Variants in PCDH15 observed in about 807,000 individuals in gnomAD.
PCDH15 encodes protocadherin related 15.
In PCDH15, 129 loss-of-function variants were observed where a neutral mutation model predicts 178.5. The observed-to-expected ratio is 0.72, with a 90% confidence interval of 0.63 to 0.84. The LOEUF is 0.84. PCDH15 is among the 40% of genes least tolerant of loss of function. PCDH15 has a pLI of 0.00. For missense variants in PCDH15, 2,230 were observed against 2,099.9 expected (o/e 1.06, Z -1.21); for synonymous variants, 800 against 732.0 (o/e 1.09, Z -1.50).
chr10:54,192,130 A>AGAG (rs1377473900), intron 11 of PCDH15, among the ~76,000 whole-genome samples: 13 of 125,066 alleles, frequency 1.0e-4, no homozygotes, highest in African/African-American at 4.6e-4. Context: ...GAAAGAAAGA[A>AGAG]AGAGAAAGAG....
intron 26 of PCDH15, among the ~76,000 whole-genome samples, chr10:53,883,339 T>C (rs1230198901): frequency 6.6e-6 from 1 of 152,216 alleles, no homozygotes; most frequent in African/African-American, 2.4e-5. Context: ...TTAAACATCA[T>C]ACAACAGAAA....
At chr10:54,787,128 A>G (rs1950951529) in intron 1 of PCDH15, among the ~76,000 whole-genome samples, 1 of 151,896 alleles carries the variant, frequency 6.6e-6, no homozygotes, top group Non-Finnish European at 1.5e-5. Context: ...TGTGAATCAC[A>G]TAATGCAGTT....
At chr10:55,296,651 T>G (rs1843139430) in intron 1 of PCDH15, among the ~76,000 whole-genome samples, 1 of 152,146 alleles carries the variant, frequency 6.6e-6, no homozygotes, top group Non-Finnish European at 1.5e-5. Context: ...TATATTTTAT[T>G]CCGTCACAGA....
At chr10:55,314,233 T>A (rs1406452717) in intron 1 of PCDH15, among the ~76,000 whole-genome samples, 1 of 149,018 alleles carries the variant, frequency 6.7e-6, no homozygotes, top group Non-Finnish European at 1.5e-5. Flanking sequence ...AATGATAATA[T>A]CTCAGTGTTC....
intron 2 of PCDH15, among the ~76,000 whole-genome samples, chr10:55,401,381 G>A (rs567171236): frequency 1.3e-5 from 2 of 151,990 alleles, no homozygotes; most frequent in East Asian, 1.9e-4. Context: ...TACATAATTC[G>A]TAGTCATATG....
chr10:54,179,776 T>C (rs977499230), intron 13 of PCDH15, among the ~76,000 whole-genome samples: 4 of 152,176 alleles, frequency 2.6e-5, no homozygotes, highest in African/African-American at 9.7e-5. Flanking sequence ...GCATCAATAC[T>C]TTAAAAGTTC....
intron 2 of PCDH15, among the ~76,000 whole-genome samples, chr10:55,380,460 G>A (rs935568472): frequency 2.0e-5 from 3 of 152,216 alleles, no homozygotes; most frequent in African/African-American, 7.2e-5. Context: ...CTTTTTCAAG[G>A]ATGTTAGTAT....
chr10:54,006,713 T>C (rs2135097283), intron 20 of PCDH15, among the ~76,000 whole-genome samples: 1 of 152,274 alleles, frequency 6.6e-6, no homozygotes, highest in South Asian at 2.1e-4. Flanking sequence ...TTTTCTTCTA[T>C]TCTATGGGGT....
intron 2 of PCDH15, among the ~76,000 whole-genome samples, chr10:54,632,740 C>A (rs1426020035): frequency 6.6e-6 from 1 of 152,078 alleles, no homozygotes; most frequent in East Asian, 1.9e-4. Flanking sequence ...TGCCCCAAGA[C>A]TGGATCAAAA....
chr10:55,266,228 G>C (rs1842291080), intron 1 of PCDH15, among the ~76,000 whole-genome samples: 1 of 151,540 alleles, frequency 6.6e-6, no homozygotes, highest in African/African-American at 2.4e-5. Flanking sequence ...ATGCCTAGAA[G>C]CCATAAAACT....
At chr10:55,391,631 C>A (rs901403222) in intron 2 of PCDH15, among the ~76,000 whole-genome samples, 1 of 151,884 alleles carries the variant, frequency 6.6e-6, no homozygotes, top group Non-Finnish European at 1.5e-5. Context: ...GGATTACAGG[C>A]ATGCACCACC....
rs2076313467 is a variant in PCDH15 at position 53,822,142 on chromosome 10, T to C, written c.4368-1912A>G. ...ACTGTCGTTGTTGATAGCTGTGTCA[T>C]AGAGGACTTAATTTTCTCGGCAGGC... On this transcript the variant is annotated intron_variant, in intron 32 of 37. Coordinates refer to ENST00000644397, the MANE Select transcript of PCDH15 (RefSeq NM_001384140.1). 6 of 1,613,962 alleles carry C rather than the reference T, an allele frequency of 3.7e-6. No individual in the cohort carries two copies. Among genetic ancestry groups the C allele is most frequent in the South Asian group, 2.2e-5 (2 of 91,084 alleles).
chr10:54,133,089 G>A, intron 14 of PCDH15, 82 bp from the exon 15 acceptor site: 1 of 1,581,800 alleles, frequency 6.3e-7, no homozygotes, highest in Non-Finnish European at 8.6e-7. Flanking sequence ...TTCAGTTGTT[G>A]GGTTTACAGG....
At chr10:54,788,099 A>G (rs1053010977) in intron 1 of PCDH15, among the ~76,000 whole-genome samples, 8 of 151,854 alleles carry the variant, frequency 5.3e-5, no homozygotes, top group Admixed American at 5.3e-4. Flanking sequence ...AACTTTCAGG[A>G]ACATATGGGA....
At chr10:55,451,683 T>G (rs946959016) in intron 2 of PCDH15, among the ~76,000 whole-genome samples, 1 of 152,270 alleles carries the variant, frequency 6.6e-6, no homozygotes, top group South Asian at 2.1e-4. Flanking sequence ...AAATTAAATA[T>G]ACACAGCTTG....
chr10:54,778,742 T>C (rs1949968447), intron 1 of PCDH15, among the ~76,000 whole-genome samples: 1 of 152,126 alleles, frequency 6.6e-6, no homozygotes, highest in South Asian at 2.1e-4. Context: ...ACTGGTCGTA[T>C]TGAATCTCAC....
intron 2 of PCDH15, among the ~76,000 whole-genome samples, chr10:55,391,823 T>C (rs1201840500): frequency 6.6e-6 from 1 of 152,200 alleles, no homozygotes; most frequent in Non-Finnish European, 1.5e-5. Context: ...TAATTTTTCC[T>C]CAACATTCAC....
intron 2 of PCDH15, among the ~76,000 whole-genome samples, chr10:54,557,344 T>A (rs2087433278): frequency 6.6e-6 from 1 of 152,186 alleles, no homozygotes; most frequent in African/African-American, 2.4e-5. Flanking sequence ...AAAAAATTGT[T>A]ATCTTTGTAA....
At chr10:53,884,226 A>T (rs1293184259) in intron 26 of PCDH15, among the ~76,000 whole-genome samples, 2 of 152,176 alleles carry the variant, frequency 1.3e-5, no homozygotes, top group African/African-American at 4.8e-5. Flanking sequence ...TTGTACTGAA[A>T]AGGAGTAAGA....
Sources: gnomAD v4.1 joint callset for allele counts (sites outside exome capture counted in the v4.1 genomes callset) on GRCh38, gnomAD v4.1.1 for gene constraint, MANE v1.5 for transcripts, NCBI Gene and HGNC (gene_info 2026-07-23, HGNC 2026-07-21) for gene names.